Variants in C1orf141 observed in about 807,000 individuals in gnomAD.
C1orf141 encodes chromosome 1 open reading frame 141.
A neutral mutation model predicts 23.2 loss-of-function variants in C1orf141; 19 were observed. That is an observed-to-expected ratio of 0.82 (90% CI 0.57 to 1.20). The LOEUF is 1.20. C1orf141 is among the 50% of genes most tolerant of loss of function. C1orf141 has a pLI of 0.00. For synonymous variants in C1orf141, 153 were observed against 154.6 expected, an observed-to-expected ratio of 0.99 and a Z score of 0.08; for missense variants, 469 against 455.1, an observed-to-expected ratio of 1.03 and a Z score of -0.28.
rs114360534 is a variant in C1orf141 at position 67,117,720 on chromosome 1, T to C, written c.234-2256A>G. ...AAGGATGATGCTGGCTATATAGTCT[T>C]GTTAAGGAGGTAATATTTTATCCTT... On this transcript the variant is annotated intron_variant, in intron 4 of 7. Transcript: ENST00000684719. Among the ~76,000 whole-genome samples, 809 of 152,338 alleles carry C rather than the reference T, an allele frequency of 5.3e-3. 8 individuals are homozygous for C. The highest frequency in any genetic ancestry group is 0.019 in the African/African-American group (784 of 41,580).
intron 4 of C1orf141, among the ~76,000 whole-genome samples, chr1:67,125,158 C>G (rs1646380562): frequency 6.6e-6 from 1 of 152,132 alleles, no homozygotes; most frequent in Non-Finnish European, 1.5e-5. Flanking sequence ...TTAAAGTTTG[C>G]AATAAATCCT....
chr1:67,120,554 T>A (rs1646278106), intron 4 of C1orf141, among the ~76,000 whole-genome samples: 1 of 152,116 alleles, frequency 6.6e-6, no homozygotes, highest in African/African-American at 2.4e-5. Flanking sequence ...GTGCAGCCTT[T>A]AAGAGGTAAT....
At chr1:67,122,008 T>C (rs1372553096) in intron 4 of C1orf141, 2 of 152,220 alleles carry the variant, frequency 1.3e-5, no homozygotes, top group Non-Finnish European at 2.9e-5. Context: ...GTGATCAGGA[T>C]GAAATTAGAG....
intron 4 of C1orf141, among the ~76,000 whole-genome samples, chr1:67,119,334 G>C (rs1005158506): frequency 6.6e-6 from 1 of 152,148 alleles, no homozygotes; most frequent in Non-Finnish European, 1.5e-5. Flanking sequence ...AATTGTGTTT[G>C]TGTTTTAGTA....
intron 5 of C1orf141, among the ~76,000 whole-genome samples, chr1:67,112,110 G>A (rs1646086080): frequency 6.6e-6 from 1 of 152,140 alleles, no homozygotes; most frequent in Admixed American, 6.5e-5. Context: ...TAGATAGCCT[G>A]GGTCCAAATT....
At chr1:67,135,906 C>CAAAAAAAAAAAAAAAAAAAAAAA (rs59519661), upstream of C1orf141, among the ~76,000 whole-genome samples, 10 of 62,590 alleles carry the variant, frequency 1.6e-4, 2 homozygotes, top group African/African-American at 6.0e-4. Context: ...GGCAAAACTG[C>CAAAAAAAAAAAAAAAAAAAAAAA]AAAAAAAAAA....
At chr1:67,141,269 T>C (rs1646635146) in intron 1 of C1orf141, among the ~76,000 whole-genome samples, 1 of 152,214 alleles carries the variant, frequency 6.6e-6, no homozygotes, top group Admixed American at 6.5e-5. Context: ...ATTTTTCTAC[T>C]TTGTATACTT....
intron 1 of C1orf141, among the ~76,000 whole-genome samples, chr1:67,134,357 G>A (rs975159331): frequency 1.3e-5 from 2 of 152,202 alleles, no homozygotes; most frequent in African/African-American, 2.4e-5. Context: ...TATGATGTAC[G>A]TGGATTGTGG....
chr1:67,096,327 A>G lies in C1orf141; in HGVS notation c.347-6T>C. 1 of 1,415,230 alleles carries G rather than the reference A, an allele frequency of 7.1e-7. No individual in the cohort carries two copies. Among genetic ancestry groups the G allele is most frequent in the Non-Finnish European group, 9.8e-7 (1 of 1,022,402 alleles). The allele number at this position is 1,415,230 out of a possible 1,614,324, so 87.7% of individuals were successfully genotyped here. A position where few individuals can be genotyped will look rare whatever the true frequency, so the allele number is the denominator to read the frequency against. On this transcript the variant is annotated splice_polypyrimidine_tract_variant and splice_region_variant and intron_variant, in intron 5 of 7. Coordinates refer to ENST00000684719, the MANE Select transcript of C1orf141 (RefSeq NM_001276351.2). ...AGGTTTTTTTTCAATTTGAGCTGAA[A>G]TTTTAAAAGATTTTCATAAAAGACA...
intron 2 of C1orf141, among the ~76,000 whole-genome samples, chr1:67,130,219 A>C (rs1048433648): frequency 3.9e-5 from 6 of 152,198 alleles, no homozygotes; most frequent in Non-Finnish European, 7.3e-5. Context: ...ACATAATATG[A>C]GTTCAAGAGG....
intron 5 of C1orf141, among the ~76,000 whole-genome samples, chr1:67,109,195 C>T (rs112823170): frequency 0.098 from 14,837 of 151,886 alleles, 1,135 homozygotes; most frequent in African/African-American, 0.21. Context: ...AGCATGGTGG[C>T]TGACGCCTGT....
intron 2 of C1orf141, among the ~76,000 whole-genome samples, chr1:67,128,250 C>T (rs965232754): frequency 6.6e-6 from 1 of 152,154 alleles, no homozygotes; most frequent in Non-Finnish European, 1.5e-5. Flanking sequence ...TTTATTACAT[C>T]TTCAGATGAG....
intron 1 of C1orf141, among the ~76,000 whole-genome samples, chr1:67,133,384 T>C (rs1228520586): frequency 6.6e-6 from 1 of 152,250 alleles, no homozygotes; most frequent in Non-Finnish European, 1.5e-5. Context: ...CACAGTCCAC[T>C]ACTGAGACCA....
chr1:67,138,832 A>T (rs1288284026), upstream of C1orf141: 4 of 152,330 alleles, frequency 2.6e-5, no homozygotes, highest in Non-Finnish European at 4.4e-5. Flanking sequence ...AAGGATGGAG[A>T]AAGTTATCTA....
intron 2 of C1orf141, among the ~76,000 whole-genome samples, chr1:67,128,630 G>C (rs1193906321): frequency 6.6e-6 from 1 of 151,992 alleles, no homozygotes; most frequent in African/African-American, 2.4e-5. Flanking sequence ...GAACCCAGGA[G>C]GCAGAGGTTG....
At position 67,102,119 on chromosome 1, in the gene C1orf141, T is replaced by C. The variant is rs373130210; in HGVS notation, c.347-5798A>G. On this transcript the variant is annotated intron_variant, in intron 5 of 7. Coordinates refer to ENST00000684719, the MANE Select transcript of C1orf141 (RefSeq NM_001276351.2). ...AAAATGGTGAGCTACAAACCATTCA[T>C]GTCTTGCGAAATCAATTTAGTGTAT... Among the ~76,000 whole-genome samples the C allele has an allele frequency of 4.6e-5, 7 of 152,298 alleles. No homozygotes were observed. The East Asian group carries it at 1.2e-3, about 25-fold the overall frequency.
chr1:67,114,710 C>T (rs1000197812), intron 5 of C1orf141, among the ~76,000 whole-genome samples: 1 of 152,164 alleles, frequency 6.6e-6, no homozygotes, highest in Non-Finnish European at 1.5e-5. Flanking sequence ...GAGTCTCGCT[C>T]TTGTCACCCA....
chr1:67,105,322 T>C (rs901429586), intron 5 of C1orf141, among the ~76,000 whole-genome samples: 1 of 69,074 alleles, frequency 1.4e-5, no homozygotes, highest in African/African-American at 6.1e-5. Context: ...CGAGACTATT[T>C]CTCAAAAAAA....
chr1:67,136,816 A>C (rs1646589776), upstream of C1orf141, among the ~76,000 whole-genome samples: 1 of 152,208 alleles, frequency 6.6e-6, no homozygotes, highest in South Asian at 2.1e-4. Flanking sequence ...TTATTAATAT[A>C]ACACAAAGTA....
Sources: gnomAD v4.1 joint callset for allele counts (sites outside exome capture counted in the v4.1 genomes callset) on GRCh38, gnomAD v4.1.1 for gene constraint, MANE v1.5 for transcripts, NCBI Gene and HGNC (gene_info 2026-07-23, HGNC 2026-07-21) for gene names.